The following LRBA variants were observed in gnomAD, a reference collection of about 807,000 sequenced individuals.
The protein encoded by LRBA is lipopolysaccharide-responsive and beige-like anchor protein.
LRBA carries 176 observed loss-of-function variants against 330.0 expected under a neutral mutation model. The observed-to-expected ratio is 0.53, with a 90% confidence interval of 0.47 to 0.60. LRBA has a LOEUF of 0.60. Ranked by LOEUF, LRBA falls within the 20% of genes least tolerant of loss-of-function variation. The probability of loss-of-function intolerance (pLI) is 0.00; values close to 1 mark genes in which losing one functional copy is unlikely to be tolerated. For missense variants in LRBA, 3,259 were observed against 3,444.8 expected (o/e 0.95, Z 1.35); for synonymous variants, 1,230 against 1,193.0 (o/e 1.03, Z -0.64).
intron 40 of LRBA, among the ~76,000 whole-genome samples, chr4:150,557,978 A>AC (rs1345578825): frequency 6.6e-6 from 1 of 151,876 alleles, no homozygotes; most frequent in African/African-American, 2.4e-5. Context: ...GCTCACTGCA[A>AC]CCTCCACCTC....
intron 53 of LRBA, among the ~76,000 whole-genome samples, chr4:150,301,973 G>A (rs1007075253): frequency 1.3e-5 from 2 of 152,054 alleles, no homozygotes; most frequent in African/African-American, 4.8e-5. Flanking sequence ...TTTTTCTAAA[G>A]CCATTTCTTT....
chr4:150,800,481 A>G, intron 33 of LRBA, among the ~76,000 whole-genome samples: 1 of 152,214 alleles, frequency 6.6e-6, no homozygotes, highest in East Asian at 1.9e-4. Context: ...CGTCACTTCT[A>G]TTTTTGACCT....
At chr4:150,391,605 G>T (rs543350755) in intron 47 of LRBA, among the ~76,000 whole-genome samples, 17 of 152,182 alleles carry the variant, frequency 1.1e-4, no homozygotes, top group South Asian at 4.1e-4. Flanking sequence ...TGTCATATAC[G>T]TGACAGGAAC....
Position 150,782,500 on chromosome 4 carries a change from T to C in LRBA, c.5580+15581A>G, listed in dbSNP as rs563042979. Among the ~76,000 whole-genome samples the C allele has an allele frequency of 1.1e-3, 164 of 152,316 alleles. 1 individual carries two copies. Among genetic ancestry groups the C allele is most frequent in the East Asian group, 4.6e-3 (24 of 5,172 alleles). ...GTTCCTTGCTTCTTCCAGCTTCTGG[T>C]GGCTGTCAGCATTCCTTGGCTTGTG... On this transcript the variant is annotated intron_variant, in intron 34 of 56. Coordinates refer to ENST00000651943, the MANE Select transcript of LRBA (RefSeq NM_001364905.1).
At chr4:150,371,795 C>T (rs916306059) in intron 47 of LRBA, among the ~76,000 whole-genome samples, 47 of 152,042 alleles carry the variant, frequency 3.1e-4, no homozygotes, top group Admixed American at 1.3e-3. Context: ...TACCATAAAG[C>T]TTAAAGTTTT....
At chr4:150,933,948 C>G in intron 2 of LRBA, among the ~76,000 whole-genome samples, 1 of 151,482 alleles carries the variant, frequency 6.6e-6, no homozygotes, top group Non-Finnish European at 1.5e-5. Context: ...GGCTTGAGTC[C>G]GAAAGGCAGA....
At position 150,321,794 on chromosome 4, in the gene LRBA, C is replaced by T. The variant is rs1191926767; in HGVS notation, c.7453-426G>A. 6.6e-6 allele frequency among the ~76,000 whole-genome samples: 1 copy of T among 152,008 alleles called. No individual in the cohort carries two copies. Among genetic ancestry groups the T allele is most frequent in the Non-Finnish European group, 1.5e-5 (1 of 68,004 alleles). On this transcript the variant is annotated intron_variant, in intron 49 of 56. Transcript: ENST00000651943. The surrounding 1 kb of genome is among the most constrained non-coding windows in gnomAD (Gnocchi z 4.5). ...AAAAACAGTAAGAATGGACAACAGG[C>T]ATAAAAGCAAGACAAGGTAATTTCC...
intron 2 of LRBA, among the ~76,000 whole-genome samples, chr4:150,992,355 C>G (rs1742190159): frequency 6.6e-6 from 1 of 151,036 alleles, no homozygotes; most frequent in African/African-American, 2.4e-5. Flanking sequence ...GATGACAGAC[C>G]AAGAAGAAAA....
chr4:150,683,220 A>G (rs4482738), intron 37 of LRBA, among the ~76,000 whole-genome samples: 2,649 of 152,144 alleles, frequency 0.017, 142 homozygotes, highest in Admixed American at 0.06. Flanking sequence ...AAGTGTAGAT[A>G]GTAAGATAGT....
chr4:150,625,126 G>T (rs1385453573), intron 37 of LRBA, among the ~76,000 whole-genome samples: 1 of 152,078 alleles, frequency 6.6e-6, no homozygotes, highest in Admixed American at 6.6e-5. Flanking sequence ...TATTACTTTA[G>T]AACAATTACC....
At chr4:150,286,349 AGAT>A (rs1275883045) in intron 53 of LRBA, among the ~76,000 whole-genome samples, 3 of 152,212 alleles carry the variant, frequency 2.0e-5, no homozygotes, top group Admixed American at 2.0e-4. Context: ...TTTTATGGTC[AGAT>A]GATTATAAAA....
intron 37 of LRBA, among the ~76,000 whole-genome samples, chr4:150,681,255 T>C (rs1320102292): frequency 6.6e-6 from 1 of 152,240 alleles, no homozygotes; most frequent in Non-Finnish European, 1.5e-5. Context: ...TACACTGTGT[T>C]ATTCCCATTT....
intron 43 of LRBA, among the ~76,000 whole-genome samples, chr4:150,470,876 C>CACACACACA (rs1554034850): frequency 7.0e-6 from 1 of 143,710 alleles, no homozygotes; most frequent in Non-Finnish European, 1.5e-5. Context: ...CACACACACA[C>CACACACACA]CACACACTAA....
chr4:150,951,160 C>T (rs1736791457), intron 2 of LRBA, among the ~76,000 whole-genome samples: 1 of 152,150 alleles, frequency 6.6e-6, no homozygotes, highest in East Asian at 1.9e-4. Flanking sequence ...TAGCCTGGTC[C>T]TATGAACCAA....
At chr4:150,450,038 G>A (rs1270215022) in intron 44 of LRBA, among the ~76,000 whole-genome samples, 2 of 151,816 alleles carry the variant, frequency 1.3e-5, no homozygotes, top group Non-Finnish European at 2.9e-5. Context: ...ATTATATGTT[G>A]TCCATAAAAA....
intron 2 of LRBA, among the ~76,000 whole-genome samples, chr4:150,972,711 C>G (rs1189797462): frequency 1.3e-5 from 2 of 152,188 alleles, no homozygotes; most frequent in Admixed American, 1.3e-4. Flanking sequence ...CAATCTTTGT[C>G]AGCTTCCTGG....
chr4:150,780,285 A>G (rs1737981468), intron 34 of LRBA, among the ~76,000 whole-genome samples: 1 of 152,232 alleles, frequency 6.6e-6, no homozygotes, highest in Non-Finnish European at 1.5e-5. Context: ...CATTCATTTT[A>G]GCATTCAGTA....
intron 44 of LRBA, among the ~76,000 whole-genome samples, chr4:150,464,312 C>T (rs576385527): frequency 2.1e-3 from 326 of 151,984 alleles, no homozygotes; most frequent in Non-Finnish European, 3.9e-3. Context: ...ACAAAATCAA[C>T]CCCCCAAAAA....
chr4:150,526,419 C>T (rs893004609), intron 40 of LRBA, among the ~76,000 whole-genome samples: 2 of 152,156 alleles, frequency 1.3e-5, no homozygotes, highest in Non-Finnish European at 2.9e-5. Flanking sequence ...ATAATATGCT[C>T]ATTTGCAGTT....
Sources: gnomAD v4.1 joint callset for allele counts (sites outside exome capture counted in the v4.1 genomes callset) on GRCh38, gnomAD v4.1.1 for gene constraint, Gnocchi (gnomAD v3.1) non-coding constraint, MANE v1.5 for transcripts, NCBI Gene and HGNC (gene_info 2026-07-23, HGNC 2026-07-21) for gene names.